ULK4: variants seen among roughly 807,000 people sequenced by gnomAD.
ULK4 encodes the protein unc-51 like kinase 4, also known as inactive serine/threonine-protein kinase ULK4.
A neutral mutation model predicts 160.6 loss-of-function variants in ULK4; 133 were observed. The observed-to-expected ratio is 0.83, with a 90% CI of 0.72 to 0.96. The LOEUF is 0.96. Among genes scored for constraint, ULK4 ranks in the 40% least tolerant of loss-of-function variants. The pLI, the probability that ULK4 is intolerant of heterozygous loss-of-function variation, is 0.00. For missense variants in ULK4, 1,580 were observed against 1,499.5 expected (o/e 1.05, Z -0.89); for synonymous variants, 534 against 539.8 (o/e 0.99, Z 0.15).
At chr3:41,355,438 CA>C (rs2081012122) in intron 35 of ULK4, among the ~76,000 whole-genome samples, 1 of 152,132 alleles carries the variant, frequency 6.6e-6, no homozygotes, top group Admixed American at 6.5e-5. Flanking sequence ...GTGATCTTTT[CA>C]AAGAGTAATT....
intron 20 of ULK4, among the ~76,000 whole-genome samples, chr3:41,799,781 T>C (rs2040402479): frequency 6.6e-6 from 1 of 152,268 alleles, no homozygotes; most frequent in South Asian, 2.1e-4. Flanking sequence ...TAGAATTACT[T>C]GAACCTGGGA....
chr3:41,656,653 G>A (rs1357227617), intron 30 of ULK4, among the ~76,000 whole-genome samples: 1 of 152,140 alleles, frequency 6.6e-6, no homozygotes, highest in Admixed American at 6.5e-5. Flanking sequence ...TGTATGGCCA[G>A]AAGTACTTTT....
intron 34 of ULK4, among the ~76,000 whole-genome samples, chr3:41,419,543 G>A (rs1380448267): frequency 6.6e-6 from 1 of 152,192 alleles, no homozygotes; most frequent in Non-Finnish European, 1.5e-5. Context: ...CACTTGTGGT[G>A]AGAGGTGGTA....
intron 34 of ULK4, among the ~76,000 whole-genome samples, chr3:41,399,223 T>C (rs2082126994): frequency 6.6e-6 from 1 of 152,202 alleles, no homozygotes; most frequent in African/African-American, 2.4e-5. Flanking sequence ...TAACTCATTG[T>C]GGTTTTCAGA....
intron 35 of ULK4, among the ~76,000 whole-genome samples, chr3:41,376,220 C>T (rs2081490194): frequency 6.7e-6 from 1 of 150,174 alleles, no homozygotes; most frequent in African/African-American, 2.5e-5. Flanking sequence ...TGTGGTAATT[C>T]CTCAAGGATC....
chr3:41,888,863 A>G (rs1697819360), intron 16 of ULK4, among the ~76,000 whole-genome samples: 1 of 152,226 alleles, frequency 6.6e-6, no homozygotes, highest in African/African-American at 2.4e-5. Context: ...ATCTTCAGCC[A>G]GCTGGAATTC....
chr3:41,790,826 T>C lies in ULK4; in HGVS notation c.2011-983A>G, dbSNP rs1345019954. Reference sequence around the variant, plus strand: ...TTATGCCATAAGGAAAGGGAAGGCCTTGAAAGTTTTTAAGGAAAGGAAAGA... The same window carrying C: ...TTATGCCATAAGGAAAGGGAAGGCCCTGAAAGTTTTTAAGGAAAGGAAAGA... On this transcript the variant is annotated intron_variant, in intron 20 of 36. Coordinates refer to ENST00000301831, the MANE Select transcript of ULK4 (RefSeq NM_017886.4). Among the ~76,000 whole-genome samples, 5 of 152,114 alleles carry C rather than the reference T, an allele frequency of 3.3e-5. No homozygotes were observed. The East Asian group carries it at 9.6e-4, about 29-fold the overall frequency.
intron 31 of ULK4, among the ~76,000 whole-genome samples, chr3:41,588,295 GA>G (rs1371835201): frequency 6.6e-6 from 1 of 151,980 alleles, no homozygotes; most frequent in African/African-American, 2.4e-5. Flanking sequence ...ATACTTTTTG[GA>G]ACCTAAAAAT....
chr3:41,610,558 T>C (rs2125676127), intron 31 of ULK4, among the ~76,000 whole-genome samples: 1 of 152,348 alleles, frequency 6.6e-6, no homozygotes, highest in South Asian at 2.1e-4. Context: ...TGTCTGTCTA[T>C]ATGACATTGG....
Position 41,800,291 on chromosome 3 carries a change from T to C in ULK4, c.1851A>G (p.Glu617=), listed in dbSNP as rs1238446321. ...TVLMRCLREG[E]ERVVNHMAAK... Reference sequence around the variant, plus strand: ...CTGCCATGTGATTCACAACACGCTCTTCCTATAGAGAAAGGAGATTAAAAT... The same window carrying C: ...CTGCCATGTGATTCACAACACGCTCCTCCTATAGAGAAAGGAGATTAAAAT... Residue 617 remains glutamate, a splice_region_variant and synonymous_variant, in exon 20 of 37, where the codon GAA becomes GAG. Coordinates refer to ENST00000301831, the MANE Select transcript of ULK4 (RefSeq NM_017886.4). 1.2e-6 allele frequency: 2 copies of C among 1,609,654 alleles called. No individual in the cohort carries two copies. Among genetic ancestry groups the C allele is most frequent in the African/African-American group, 2.7e-5 (2 of 74,814 alleles).
chr3:41,699,479 A>G (rs1471066943), intron 27 of ULK4, among the ~76,000 whole-genome samples: 1 of 152,206 alleles, frequency 6.6e-6, no homozygotes, highest in Admixed American at 6.5e-5. Flanking sequence ...TTTGCTATTA[A>G]TAATATTTTC....
intron 35 of ULK4, among the ~76,000 whole-genome samples, chr3:41,314,423 C>T (rs895203127): frequency 3.9e-5 from 6 of 152,108 alleles, no homozygotes; most frequent in Non-Finnish European, 8.8e-5. Context: ...CATTGTTTAG[C>T]TCCCACTTAT....
In ULK4 at chr3:41,847,655, A is replaced by G. The variant is rs551839162; in HGVS notation, c.1657-11684T>C. Reference sequence around the variant, plus strand: ...CCCTTTGTTCTAAGTGGTTTCTTAGAACACTACTTTCAATGACACAAACAG... The same window carrying G: ...CCCTTTGTTCTAAGTGGTTTCTTAGGACACTACTTTCAATGACACAAACAG... On this transcript the variant is annotated intron_variant, in intron 17 of 36. Coordinates refer to ENST00000301831, the MANE Select transcript of ULK4 (RefSeq NM_017886.4). Among the ~76,000 whole-genome samples the G allele has an allele frequency of 9.7e-4, 148 of 152,328 alleles. 1 individual carries two copies. The highest frequency in any genetic ancestry group is 3.4e-3 in the African/African-American group (141 of 41,578).
In ULK4 at chr3:41,588,596, T is replaced by C. The variant is rs115519388; in HGVS notation, c.3121-22466A>G. On this transcript the variant is annotated intron_variant, in intron 31 of 36. Coordinates refer to ENST00000301831, the MANE Select transcript of ULK4 (RefSeq NM_017886.4). ...GGCTGTACATCACACAACCTCTGCATCTACCAAATAGCAGGACAAGTGCAC... is the reference window on the plus strand; with the variant it reads ...GGCTGTACATCACACAACCTCTGCACCTACCAAATAGCAGGACAAGTGCAC... Among the ~76,000 whole-genome samples the C allele has an allele frequency of 3.5e-3, 538 of 152,296 alleles. 3 individuals carry two copies. The highest frequency in any genetic ancestry group is 0.012 in the African/African-American group (519 of 41,568).
At chr3:41,805,766 G>C (rs1194048816) in intron 19 of ULK4, among the ~76,000 whole-genome samples, 1 of 149,656 alleles carries the variant, frequency 6.7e-6, no homozygotes, top group Non-Finnish European at 1.5e-5. Flanking sequence ...CTTTGGTTCT[G>C]TTTATATGCT....
chr3:41,886,035 G>A (rs1468733318), intron 16 of ULK4, among the ~76,000 whole-genome samples: 1 of 152,010 alleles, frequency 6.6e-6, no homozygotes, highest in African/African-American at 2.4e-5. Flanking sequence ...CAGTACCCTG[G>A]GGTAATTACT....
intron 20 of ULK4, among the ~76,000 whole-genome samples, chr3:41,799,706 C>T (rs1294501095): frequency 2.0e-5 from 3 of 151,852 alleles, no homozygotes; most frequent in Non-Finnish European, 2.9e-5. Flanking sequence ...TACAAAAATA[C>T]AAAAAAATAA....
chr3:41,571,044 T>C (rs1468406192), intron 31 of ULK4, among the ~76,000 whole-genome samples: 1 of 152,256 alleles, frequency 6.6e-6, no homozygotes, highest in East Asian at 1.9e-4. Context: ...GTTCCACTTC[T>C]ATTCTAGACG....
At chr3:41,332,743 C>T (rs1003358097) in intron 35 of ULK4, among the ~76,000 whole-genome samples, 2 of 152,074 alleles carry the variant, frequency 1.3e-5, no homozygotes, top group East Asian at 3.9e-4. Flanking sequence ...TATGATTGAT[C>T]TTGTCACCCA....
Sources: gnomAD v4.1 joint callset for allele counts (sites outside exome capture counted in the v4.1 genomes callset) on GRCh38, gnomAD v4.1.1 for gene constraint, MANE v1.5 for transcripts, NCBI Gene and HGNC (gene_info 2026-07-23, HGNC 2026-07-21) for gene names.